The following IL4R variants were observed in gnomAD, a reference collection of about 807,000 sequenced individuals.
The protein encoded by IL4R is interleukin 4 receptor, also known as interleukin-4 receptor subunit alpha.
A neutral mutation model predicts 41.5 loss-of-function variants in IL4R; 17 were observed. That is an observed-to-expected ratio of 0.41 (90% CI 0.28 to 0.61). IL4R has a LOEUF of 0.61. Ranked by LOEUF, IL4R falls within the 20% of genes least tolerant of loss-of-function variation. The pLI is 0.31. For missense variants in IL4R, 974 were observed against 1,043.1 expected (o/e 0.93, Z 0.91); for synonymous variants, 402 against 422.9 (o/e 0.95, Z 0.61).
At chr16:27,350,690 T>C (rs1204806190) in intron 6 of IL4R, among the ~76,000 whole-genome samples, 3 of 152,214 alleles carry the variant, frequency 2.0e-5, no homozygotes, top group Non-Finnish European at 4.4e-5. Context: ...GTATCACTTT[T>C]TAAAGCTTTT....
intron 10 of IL4R, among the ~76,000 whole-genome samples, chr16:27,361,857 C>T (rs1355776468): frequency 2.0e-5 from 3 of 152,130 alleles, no homozygotes; most frequent in Non-Finnish European, 2.9e-5. Flanking sequence ...TGAGCTCAAG[C>T]GATCCTCCCT....
At chr16:27,340,422 A>G in intron 3 of IL4R, 149 bp downstream of exon 3, 1 of 654,084 alleles carries the variant, frequency 1.5e-6, no homozygotes, top group South Asian at 1.8e-5. Flanking sequence ...AATTCTAAAG[A>G]TTGTTAGAAA....
In IL4R at chr16:27,362,310, AG is replaced by A; in HGVS notation, c.961del (p.Asp321MetfsTer57). The part of the protein sequence containing the change: ...LPCFLEHNMK[R>X]DEDPHKAAKE... Reference sequence around the variant, plus strand: ...CTGTTTTCTGGAGCACAACATGAAAAGGGATGAAGATCCTCACAAGGCTGCC... The same window carrying A: ...CTGTTTTCTGGAGCACAACATGAAAAGGATGAAGATCCTCACAAGGCTGCC... On this transcript the variant is annotated frameshift_variant, in exon 11 of 11. Coordinates refer to ENST00000395762, the MANE Select transcript of IL4R (RefSeq NM_000418.4). LOFTEE classifies it low-confidence loss of function (END_TRUNC). The A allele has an allele frequency of 1.2e-6, 2 of 1,614,120 alleles. No homozygotes were observed. Among genetic ancestry groups the A allele is most frequent in the Non-Finnish European group, 1.7e-6 (2 of 1,179,992 alleles).
chr16:27,355,631 C>T (rs1195649493), intron 7 of IL4R, 177 bp from the exon 8 acceptor site: 4 of 558,916 alleles, frequency 7.2e-6, no homozygotes, highest in South Asian at 2.0e-5. Context: ...GCCGGTGTGA[C>T]GAGGACTCAA....
intron 1 of IL4R, among the ~76,000 whole-genome samples, chr16:27,322,697 GAGAC>G (rs2084849414): frequency 6.6e-6 from 1 of 152,124 alleles, no homozygotes; most frequent in African/African-American, 2.4e-5. Flanking sequence ...GTGACAGAGT[GAGAC>G]ATTCTCAAAA....
Position 27,363,000 on chromosome 16 carries a change from T to C in IL4R, c.1648T>C (p.Trp550Arg), listed in dbSNP as rs1399085052. Residue 550 changes from tryptophan to arginine, a missense_variant, in exon 11 of 11, where the codon TGG (tryptophan) becomes CGG (arginine). Physicochemically the swap from Trp to Arg is moderately radical, Grantham distance 101 (BLOSUM62 -3). This residue lies in a region of IL4R where 682 missense variants were observed against 704.3 expected (regional missense o/e 0.97). Coordinates refer to ENST00000395762, the MANE Select transcript of IL4R (RefSeq NM_000418.4). The stretch of plus-strand genomic sequence containing the variant: ...TGTGCCCCAACCTGAGCCAGAAACC[T>C]GGGAGCAGATCCTCCGCCGAAATGT... ...TTVPQPEPET[W>R]EQILRRNVLQ... The C allele has an allele frequency of 6.2e-7, 1 of 1,613,970 alleles. No homozygotes were observed. The highest frequency in any genetic ancestry group is 8.5e-7 in the Non-Finnish European group (1 of 1,180,030).
intron 2 of IL4R, among the ~76,000 whole-genome samples, chr16:27,332,824 C>T (rs1489240065): frequency 6.6e-6 from 1 of 151,904 alleles, no homozygotes; most frequent in South Asian, 2.1e-4. Flanking sequence ...TCCCTCTAAG[C>T]ACTGCTTTTG....
chr16:27,358,888 A>C (rs1324329443), intron 8 of IL4R, 28 bp from the exon 9 acceptor site: 1 of 1,574,354 alleles, frequency 6.4e-7, no homozygotes, highest in East Asian at 2.2e-5. Flanking sequence ...TAATTCAGAG[A>C]TCAACACCTT....
In IL4R at chr16:27,345,076, G is replaced by A. The variant is rs2085592856; in HGVS notation, c.361+56G>A. ...TGGGTGTGTTCCCACAGCTGCCTGG[G>A]CTGAGGGTGGGGTGGGCAGGGGAGG... On this transcript the variant is annotated intron_variant, in intron 5 of 10. Transcript: ENST00000395762. This position sits in a 1 kb window ranked among gnomAD's most constrained non-coding sequence, Gnocchi z 4.5. 6 of 1,028,084 alleles carry A rather than the reference G, an allele frequency of 5.8e-6. No individual in the cohort carries two copies. The Admixed American group carries it at 9.2e-5, about 16-fold the overall frequency. 63.7% of individuals were successfully genotyped at this position (1,028,084 alleles called of 1,614,324 possible).
chr16:27,322,861 GC>G (rs1205514612), intron 1 of IL4R, among the ~76,000 whole-genome samples: 1 of 152,182 alleles, frequency 6.6e-6, no homozygotes, highest in African/African-American at 2.4e-5. Context: ...CAGCCATGAA[GC>G]AAGTGATCTT....
intron 3 of IL4R, among the ~76,000 whole-genome samples, chr16:27,340,806 T>C (rs1596811263): frequency 6.6e-6 from 1 of 151,504 alleles, no homozygotes; most frequent in African/African-American, 2.4e-5. Context: ...GGGATTGCAG[T>C]TGAAAGTAGG....
rs560025123 is a variant in IL4R at position 27,326,916 on chromosome 16, G to A, written c.-151-3150G>A. On this transcript the variant is annotated intron_variant, in intron 1 of 10. Coordinates refer to ENST00000395762, the MANE Select transcript of IL4R (RefSeq NM_000418.4). ...GCCTTACTATCCCAGTGGGGCCACC[G>A]ACGTGGCTGCCATTTCTGGAAACCC... Among the ~76,000 whole-genome samples, 11 of 152,122 alleles carry A rather than the reference G, an allele frequency of 7.2e-5. 1 individual carries two copies. The highest frequency in any genetic ancestry group is 2.0e-4 in the Admixed American group (3 of 15,278).
intron 1 of IL4R, among the ~76,000 whole-genome samples, chr16:27,328,109 C>T (rs940086678): frequency 5.5e-5 from 8 of 145,244 alleles, no homozygotes; most frequent in African/African-American, 1.8e-4. Flanking sequence ...ACTCAGGAGG[C>T]TGAGGCAGGA....
At chr16:27,349,731 A>G (rs3024593) in intron 6 of IL4R, among the ~76,000 whole-genome samples, 11,094 of 152,188 alleles carry the variant, frequency 0.073, 488 homozygotes, top group Middle Eastern at 0.095. Context: ...ACAGCTGGAA[A>G]TGGCAGGGCT....
At position 27,342,159 on chromosome 16, in the gene IL4R, G is replaced by A. The variant is rs776677335; in HGVS notation, c.109G>A (p.Asp37Asn). The change falls in exon 4 of 11, where the codon GAC becomes AAC. Residue 37 changes from aspartate to asparagine, a missense_variant. Asp to Asn is a conservative substitution (Grantham distance 23). This residue lies in a region of IL4R where 284 missense variants were observed against 313.4 expected (regional missense o/e 0.91). Coordinates refer to ENST00000395762, the MANE Select transcript of IL4R (RefSeq NM_000418.4). The stretch of plus-strand genomic sequence containing the variant: ...CTTGCAGGAGCCCACCTGCGTCTCC[G>A]ACTACATGAGCATCTCTACTTGCGA... ...KVLQEPTCVS[D>N]YMSISTCEWK... 22 of 1,614,050 alleles carry A rather than the reference G, an allele frequency of 1.4e-5. No homozygotes were observed. Among genetic ancestry groups the A allele is most frequent in the Non-Finnish European group, 5.1e-6 (6 of 1,180,036 alleles).
chr16:27,358,877 A>G (rs1433456655), intron 8 of IL4R, 39 bp from the exon 9 acceptor site: 3 of 1,499,644 alleles, frequency 2.0e-6, no homozygotes, highest in African/African-American at 1.4e-5. Context: ...TCACCTGTCA[A>G]TAATTCAGAG....
At chr16:27,320,931 A>G (rs928418898) in intron 1 of IL4R, among the ~76,000 whole-genome samples, 3 of 147,940 alleles carry the variant, frequency 2.0e-5, no homozygotes, top group Non-Finnish European at 4.5e-5. Context: ...ATTTAGCCAA[A>G]TTAGCTTTCT....
chr16:27,322,493 CA>C (rs1209185365), intron 1 of IL4R, among the ~76,000 whole-genome samples: 1 of 152,036 alleles, frequency 6.6e-6, no homozygotes, highest in Non-Finnish European at 1.5e-5. Flanking sequence ...TTCCTTTAAT[CA>C]GTATAAAAGA....
In IL4R at chr16:27,340,283, C is replaced by G; in HGVS notation, c.70+10C>G. 6.2e-7 allele frequency: 1 copy of G among 1,608,566 alleles called. No homozygotes were observed. Among genetic ancestry groups the G allele is most frequent in the Non-Finnish European group, 8.5e-7 (1 of 1,175,052 alleles). On this transcript the variant is annotated intron_variant, in intron 3 of 10. Transcript: ENST00000395762. Reference sequence around the variant, plus strand: ...CAGGTGGCAAGCTCTGGTAAGTCACCACTTCTCAATCATTCATTTGTTGGC... The same window carrying G: ...CAGGTGGCAAGCTCTGGTAAGTCACGACTTCTCAATCATTCATTTGTTGGC...
Sources: gnomAD v4.1 joint callset for allele counts (sites outside exome capture counted in the v4.1 genomes callset) on GRCh38, gnomAD v4.1.1 for gene constraint, gnomAD v4.1.1 regional missense constraint, Gnocchi (gnomAD v3.1) non-coding constraint, MANE v1.5 for transcripts, NCBI Gene and HGNC (gene_info 2026-07-23, HGNC 2026-07-21) for gene names.